The following DPYSL4 variants were observed in gnomAD, a reference collection of about 807,000 sequenced individuals.
The protein encoded by DPYSL4 is dihydropyrimidinase-related protein 4.
DPYSL4 carries 43 observed loss-of-function variants against 63.4 expected under a neutral mutation model. The ratio of observed to expected loss-of-function variants is 0.68; its 90% confidence interval spans 0.53 to 0.88. DPYSL4 has a LOEUF of 0.88. Among genes scored for constraint, DPYSL4 ranks in the 40% least tolerant of loss-of-function variants. The probability of loss-of-function intolerance (pLI) is 0.00; values close to 1 mark genes in which losing one functional copy is unlikely to be tolerated. For missense variants in DPYSL4, 733 were observed against 819.5 expected, an observed-to-expected ratio of 0.89 and a Z score of 1.29; for synonymous variants, 353 against 331.7, an observed-to-expected ratio of 1.06 and a Z score of -0.70.
At chr10:132,187,146 C>G in intron 1 of DPYSL4, 44 bp downstream of exon 1, 2 of 1,456,910 alleles carry the variant, frequency 1.4e-6, no homozygotes, top group Non-Finnish European at 1.9e-6. Flanking sequence ...GCCCGCCGCC[C>G]GGAGTGGGGC....
rs1043051473 is a variant in DPYSL4, at chr10:132,200,771, G to GGGGGCT, written c.969-68_969-63dup. ...TAGCCCCTGCGGCTGTGCTGGCCAA[G>GGGGGCT]GGGGCTGGAGCTGACCTGGCCTCTG... On this transcript the variant is annotated intron_variant, in intron 9 of 13. Transcript: ENST00000338492. 3.3e-5 allele frequency: 51 copies of GGGGGCT among 1,562,016 alleles called. No individual in the cohort carries two copies. The African/African-American group carries it at 6.2e-4, about 19-fold the overall frequency.
chr10:132,205,224 C>T lies in DPYSL4; in HGVS notation c.*294C>T. On this transcript the variant is annotated 3_prime_UTR_variant, in exon 14 of 14. Transcript: ENST00000338492. ...CAGGCACCCCAGTGCCCGCTGGGCC[C>T]AGCCTGGGGACAGGGAACCTGCCGG... The T allele has an allele frequency of 7.4e-6, 2 of 269,350 alleles. No individual in the cohort carries two copies. Among genetic ancestry groups the T allele is most frequent in the Non-Finnish European group, 1.4e-5 (2 of 143,232 alleles). The allele number at this position is 269,350 out of a possible 1,614,324, so 16.7% of individuals were successfully genotyped here.
chr10:132,201,094 CA>C, intron 10 of DPYSL4, 111 bp downstream of exon 10: 1 of 1,448,982 alleles, frequency 6.9e-7, no homozygotes, highest in Non-Finnish European at 9.2e-7. Context: ...TGAAACAGAT[CA>C]GAGCACACGG....
chr10:132,196,985 C>A (rs1402683428), intron 5 of DPYSL4, 36 bp from the exon 6 acceptor site: 1 of 1,612,914 alleles, frequency 6.2e-7, no homozygotes, highest in African/African-American at 1.3e-5. Context: ...GGTGCAGGCG[C>A]AGCCCCACCC....
rs1436565118 is a variant in DPYSL4, at chr10:132,186,994, TCCCC to T, written c.-67_-64del. ...CCACGCACGCGTCCCGGCTCACGCG[TCCCC>T]CCGCCCGCCCGCCCGCCCGCCCGCC... On this transcript the variant is annotated 5_prime_UTR_variant, in exon 1 of 14. Transcript: ENST00000338492. 0.013 allele frequency: 2,895 copies of T among 217,772 alleles called. 10 individuals carry two copies. Among genetic ancestry groups the T allele is most frequent in the South Asian group, 0.039 (529 of 13,400 alleles). 13.5% of individuals were successfully genotyped at this position (217,772 alleles called of 1,614,324 possible).
At chr10:132,202,529 T>C (rs538444165) in intron 11 of DPYSL4, 117 bp from the exon 12 acceptor site, 2 of 1,338,594 alleles carry the variant, frequency 1.5e-6, no homozygotes, top group East Asian at 2.4e-5. Context: ...AGGGGCTCAG[T>C]GTAGGCACAC....
chr10:132,196,067 A>G (rs2061939459), intron 4 of DPYSL4, among the ~76,000 whole-genome samples: 1 of 149,872 alleles, frequency 6.7e-6, no homozygotes. Flanking sequence ...ACCTGGAGGG[A>G]TGGCTTGTGG....
chr10:132,204,765 C>G, intron 13 of DPYSL4, 74 bp from the exon 14 acceptor site: 1 of 1,352,736 alleles, frequency 7.4e-7, no homozygotes, highest in Non-Finnish European at 1.0e-6. Context: ...GCCACTGACT[C>G]TGCCTCACGC....
intron 3 of DPYSL4, among the ~76,000 whole-genome samples, chr10:132,193,077 G>A (rs897161114): frequency 4.6e-5 from 7 of 152,132 alleles, no homozygotes; most frequent in Admixed American, 2.6e-4. Flanking sequence ...GGAAATCAGT[G>A]ACTGACGTGT....
At chr10:132,187,202 T>A (rs888879174) in intron 1 of DPYSL4, 100 bp downstream of exon 1, 206 of 831,432 alleles carry the variant, frequency 2.5e-4, no homozygotes, top group Non-Finnish European at 3.5e-4. Context: ...GGGTGGGGGG[T>A]CCCTGCCTTT....
At chr10:132,190,174 G>A (rs980141238) in intron 1 of DPYSL4, among the ~76,000 whole-genome samples, 4 of 152,270 alleles carry the variant, frequency 2.6e-5, no homozygotes, top group East Asian at 1.9e-4. Flanking sequence ...ATCTGTGCAC[G>A]TGTGTTTTTG....
intron 3 of DPYSL4, among the ~76,000 whole-genome samples, chr10:132,193,843 C>T (rs373176398): frequency 1.6e-4 from 25 of 152,346 alleles, no homozygotes; most frequent in Non-Finnish European, 2.4e-4. Context: ...AAACACCTCG[C>T]GGGACATTTA....
intron 12 of DPYSL4, 30 bp from the exon 13 acceptor site, chr10:132,203,732 G>GC: frequency 1.3e-6 from 2 of 1,581,376 alleles, no homozygotes; most frequent in Non-Finnish European, 1.7e-6. Context: ...AGCCCCTCAT[G>GC]CCCTGTCTCT....
chr10:132,187,366 G>GC, intron 1 of DPYSL4, among the ~76,000 whole-genome samples: 1 of 10,328 alleles, frequency 9.7e-5, no homozygotes, highest in South Asian at 2.8e-3. Flanking sequence ...GCCGGGCCCT[G>GC]CCGGGCCCTG....
intron 1 of DPYSL4, among the ~76,000 whole-genome samples, chr10:132,190,100 CCTCT>C (rs1392940810): frequency 6.6e-6 from 1 of 152,252 alleles, no homozygotes; most frequent in Non-Finnish European, 1.5e-5. Context: ...TCTCCCAGCC[CCTCT>C]CTCATGGCCC....
At chr10:132,192,486 G>A (rs2061891109) in intron 2 of DPYSL4, 172 bp from the exon 3 acceptor site, 5 of 1,379,822 alleles carry the variant, frequency 3.6e-6, no homozygotes, top group Non-Finnish European at 4.7e-6. Context: ...GCTGAGTGAT[G>A]CTTTGCTCCC....
chr10:132,197,763 G>A (rs2061964362), intron 6 of DPYSL4, among the ~76,000 whole-genome samples: 1 of 152,192 alleles, frequency 6.6e-6, no homozygotes, highest in South Asian at 2.1e-4. Context: ...CTACAGGAAG[G>A]TGGTGGCACT....
intron 4 of DPYSL4, 53 bp downstream of exon 4, chr10:132,195,062 C>T: frequency 6.4e-7 from 1 of 1,562,596 alleles, no homozygotes; most frequent in Non-Finnish European, 8.6e-7. Context: ...GTGGAGGAGC[C>T]TCTGCCCTGA....
At chr10:132,198,014 C>T (rs565195577) in intron 6 of DPYSL4, among the ~76,000 whole-genome samples, 1 of 152,204 alleles carries the variant, frequency 6.6e-6, no homozygotes, top group Non-Finnish European at 1.5e-5. Context: ...CAAATCTGCA[C>T]GGAAAGGCAG....
Sources: allele counts gnomAD v4.1 joint callset (sites outside exome capture counted in the v4.1 genomes callset), GRCh38; gene constraint gnomAD v4.1.1; transcripts MANE v1.5; gene names NCBI Gene and HGNC (gene_info 2026-07-23, HGNC 2026-07-21).